The following CPA5 variants were observed in gnomAD, a reference collection of about 807,000 sequenced individuals.
The protein encoded by CPA5 is carboxypeptidase A5.
In CPA5, 38 loss-of-function variants were observed where a neutral mutation model predicts 52.2. That is an observed-to-expected ratio of 0.73 (90% CI 0.56 to 0.95). The LOEUF is 0.95. Ranked by LOEUF, CPA5 falls within the 40% of genes least tolerant of loss-of-function variation. The probability of loss-of-function intolerance (pLI) is 0.00; values close to 1 mark genes in which losing one functional copy is unlikely to be tolerated. For synonymous variants in CPA5, 198 were observed against 213.7 expected, an observed-to-expected ratio of 0.93 and a Z score of 0.64; for missense variants, 519 against 566.7, an observed-to-expected ratio of 0.92 and a Z score of 0.86.
intron 2 of CPA5, 40 bp from the exon 3 acceptor site, chr7:130,346,353 A>T (rs2117268990): frequency 1.7e-6 from 1 of 602,714 alleles, no homozygotes; most frequent in Middle Eastern, 4.2e-4. Context: ...TGTGGGAGCC[A>T]CATGCTGGGT....
downstream of CPA5, among the ~76,000 whole-genome samples, chr7:130,372,547 A>C (rs578077571): frequency 3.3e-5 from 5 of 152,280 alleles, no homozygotes; most frequent in South Asian, 1.0e-3. Context: ...TCTACTTTCA[A>C]GATGGCTGCT....
chr7:130,363,666 A>G (rs1554407492), intron 10 of CPA5, among the ~76,000 whole-genome samples, 157 bp downstream of exon 10: 1 of 152,222 alleles, frequency 6.6e-6, no homozygotes, highest in African/African-American at 2.4e-5. Context: ...AGGCAAGCAC[A>G]TACCTCAGAC....
At position 130,350,100 on chromosome 7, in the gene CPA5, G is replaced by A; in HGVS notation, c.324G>A (p.Lys108=). 1 of 1,611,780 alleles carries A rather than the reference G, an allele frequency of 6.2e-7. No homozygotes were observed. Among genetic ancestry groups the A allele is most frequent in the Admixed American group, 1.7e-5 (1 of 59,776 alleles). The change falls in exon 5 of 13, where the codon AAG becomes AAA. Residue 108 remains lysine, a synonymous_variant. Transcript: ENST00000474905. ...SHGLAYSIMI[K]DIQVLLDEER... is the part of the protein sequence containing the mutation. ...GACTTGCTTACAGCATCATGATAAA[G>A]GACATCCAGGTGAAGCCCTGCCCCA...
chr7:130,357,057 C>T (rs932244322), intron 5 of CPA5, among the ~76,000 whole-genome samples: 1 of 152,254 alleles, frequency 6.6e-6, no homozygotes, highest in African/African-American at 2.4e-5. Context: ...CCTCCGGCCA[C>T]ATCTAACTTA....
chr7:130,367,122 A>AT (rs11362399), intron 10 of CPA5, among the ~76,000 whole-genome samples: 236 of 147,406 alleles, frequency 1.6e-3, no homozygotes, highest in African/African-American at 3.9e-3. Context: ...TCTATCTAGA[A>AT]TTTTTTTTTT....
rs1002551419 is a variant in CPA5, at chr7:130,346,526, C to A, written c.41C>A (p.Ser14Tyr). Reference sequence around the variant, plus strand: ...GGAGGCGGGACGCGCCCTGGGCCATCCCCCGTGGACAGGCGGACACTCCTG... The same window carrying A: ...GGAGGCGGGACGCGCCCTGGGCCATACCCCGTGGACAGGCGGACACTCCTG... ...TPGGGTRPGPSPVDRRTLLVF... is the reference protein window; with the variant it reads ...TPGGGTRPGPYPVDRRTLLVF... Residue 14 changes from serine to tyrosine, a missense_variant, in exon 3 of 13, where the codon TCC becomes TAC. By Grantham distance (144) the Ser-to-Tyr change is moderately radical (BLOSUM62 -2). Coordinates refer to ENST00000474905, the MANE Select transcript of CPA5 (RefSeq NM_080385.5). 4 of 1,613,826 alleles carry A rather than the reference C, an allele frequency of 2.5e-6. No individual in the cohort carries two copies. The highest frequency in any genetic ancestry group is 3.4e-6 in the Non-Finnish European group (4 of 1,179,878).
intron 5 of CPA5, among the ~76,000 whole-genome samples, chr7:130,354,168 C>G (rs1795341463): frequency 6.6e-6 from 1 of 151,974 alleles, no homozygotes; most frequent in African/African-American, 2.4e-5. Context: ...GCTCAGGCAA[C>G]CCGCCAACCT....
At chr7:130,354,549 A>AC (rs1430792361) in intron 5 of CPA5, among the ~76,000 whole-genome samples, 4 of 149,488 alleles carry the variant, frequency 2.7e-5, no homozygotes, top group African/African-American at 9.9e-5. Flanking sequence ...ACACACCACC[A>AC]CCCCTGGCCA....
intron 5 of CPA5, among the ~76,000 whole-genome samples, chr7:130,359,186 C>T (rs1795655476): frequency 6.6e-6 from 1 of 152,226 alleles, no homozygotes; most frequent in Admixed American, 6.5e-5. Flanking sequence ...TGGCAGTAGA[C>T]TGTGAGCACC....
intron 4 of CPA5, 55 bp downstream of exon 4, chr7:130,347,902 AT>A: frequency 7.1e-7 from 1 of 1,404,254 alleles, no homozygotes; most frequent in Non-Finnish European, 1.0e-6. Flanking sequence ...TGGCTCACAC[AT>A]TTAGCTCCTT....
At chr7:130,355,477 C>G (rs989582978) in intron 5 of CPA5, among the ~76,000 whole-genome samples, 3 of 151,968 alleles carry the variant, frequency 2.0e-5, no homozygotes, top group Non-Finnish European at 4.4e-5. Flanking sequence ...CACAATCGCC[C>G]CTAACTGCAA....
chr7:130,367,817 C>T, intron 11 of CPA5, 89 bp from the exon 12 acceptor site: 1 of 1,169,520 alleles, frequency 8.6e-7, no homozygotes, highest in African/African-American at 1.5e-5. Context: ...ACTGCTAAAT[C>T]CATGCTTCTC....
intron 7 of CPA5, among the ~76,000 whole-genome samples, chr7:130,361,675 C>G (rs1412313300): frequency 6.6e-6 from 1 of 152,200 alleles, no homozygotes; most frequent in African/African-American, 2.4e-5. Context: ...ATAGAGAAGC[C>G]TCCCAGCCCT....
downstream of CPA5, among the ~76,000 whole-genome samples, chr7:130,372,282 A>G (rs868925532): frequency 2.6e-5 from 4 of 152,240 alleles, no homozygotes; most frequent in Non-Finnish European, 4.4e-5. Context: ...ACCTGTCAGC[A>G]CTGGGCACAC....
At chr7:130,359,750 C>T (rs1251271981) in intron 6 of CPA5, 63 bp downstream of exon 6, 1 of 1,186,430 alleles carries the variant, frequency 8.4e-7, no homozygotes, top group East Asian at 2.6e-5. Flanking sequence ...GGTCTCCTGA[C>T]TCAGTCAGAA....
At chr7:130,359,198 T>C (rs1398784295) in intron 5 of CPA5, among the ~76,000 whole-genome samples, 12 of 152,220 alleles carry the variant, frequency 7.9e-5, no homozygotes, top group African/African-American at 1.2e-4. Flanking sequence ...GTGAGCACCT[T>C]TTTTCCCCCA....
chr7:130,367,450 T>C lies in CPA5; in HGVS notation c.917T>C (p.Ile306Thr), dbSNP rs1554408804. Residue 306 changes from isoleucine (I) to threonine (T), a missense_variant, in exon 11 of 13, where the codon ATA becomes ACA. Ile to Thr is a moderately conservative substitution (Grantham distance 89, BLOSUM62 -1). Transcript: ENST00000474905. The part of the protein sequence containing the change: ...SPQSEPEVAA[I>T]VNFITAHGNF... ...CAGTCGGAGCCGGAGGTGGCTGCCA[T>C]AGTGAACTTCATCACAGCCCATGGC... 2.5e-6 allele frequency: 4 copies of C among 1,614,118 alleles called. No individual in the cohort carries two copies. The highest frequency in any genetic ancestry group is 1.1e-5 in the South Asian group (1 of 91,080).
intron 5 of CPA5, among the ~76,000 whole-genome samples, chr7:130,356,910 C>T (rs990681123): frequency 5.3e-5 from 8 of 152,366 alleles, no homozygotes; most frequent in Non-Finnish European, 7.3e-5. Context: ...CAGCTGATGG[C>T]ACCAGGCACA....
chr7:130,363,521 T>C lies in CPA5; in HGVS notation c.838+12T>C. 6.4e-7 allele frequency: 1 copy of C among 1,572,174 alleles called. No individual in the cohort carries two copies. The highest frequency in any genetic ancestry group is 8.6e-7 in the Non-Finnish European group (1 of 1,157,038). On this transcript the variant is annotated intron_variant, in intron 10 of 12. Transcript: ENST00000474905. The stretch of plus-strand genomic sequence containing the variant: ...GTCGGGTTTTGGAGGTATGGCAACC[T>C]GCTGTCCTGGGGCAGGGTTGGAGAA...
Sources: gnomAD v4.1 joint callset for allele counts (sites outside exome capture counted in the v4.1 genomes callset) on GRCh38, gnomAD v4.1.1 for gene constraint, MANE v1.5 for transcripts, NCBI Gene and HGNC (gene_info 2026-07-23, HGNC 2026-07-21) for gene names.